The following CELF6 variants were observed in gnomAD, a reference collection of about 807,000 sequenced individuals.
CELF6 encodes Bruno -like 6, RNA binding protein.
A neutral mutation model predicts 53.1 loss-of-function variants in CELF6; 32 were observed. That is an observed-to-expected ratio of 0.60 (90% CI 0.46 to 0.81). CELF6 has a LOEUF of 0.81. Ranked by LOEUF, CELF6 falls within the 30% of genes least tolerant of loss-of-function variation. The pLI is 0.00. For synonymous variants in CELF6, 291 were observed against 288.8 expected (o/e 1.01, Z -0.08); for missense variants, 539 against 669.5 (o/e 0.81, Z 2.15).
Position 72,289,921 on chromosome 15 carries a change from CA to C in CELF6, c.603+17del. Reference sequence around the variant, plus strand: ...CACCCCACTGGCCTCACCCTCAGCCCAGGGAACCCGCCCTCACCGCCATGGT... The same window carrying C: ...CACCCCACTGGCCTCACCCTCAGCCCGGGAACCCGCCCTCACCGCCATGGT... On this transcript the variant is annotated intron_variant, in intron 5 of 12. Transcript: ENST00000287202. The surrounding 1 kb of genome is among the most constrained non-coding windows in gnomAD (Gnocchi z 7.6). 1 of 1,551,350 alleles carries C rather than the reference CA, an allele frequency of 6.4e-7. No homozygotes were observed. The highest frequency in any genetic ancestry group is 8.7e-7 in the Non-Finnish European group (1 of 1,150,654).
intron 3 of CELF6, among the ~76,000 whole-genome samples, chr15:72,298,049 C>A (rs978658079): frequency 1.3e-5 from 2 of 152,134 alleles, no homozygotes; most frequent in Non-Finnish European, 2.9e-5. Context: ...ATCTAAGGAC[C>A]AATAACAGGT....
At chr15:72,310,354 G>A (rs2088279449) in intron 2 of CELF6, among the ~76,000 whole-genome samples, 1 of 152,032 alleles carries the variant, frequency 6.6e-6, no homozygotes, top group South Asian at 2.1e-4. Flanking sequence ...AGTCCCATTG[G>A]TTCTAGAATC....
chr15:72,301,778 C>T (rs1294046114), intron 3 of CELF6, among the ~76,000 whole-genome samples: 1 of 149,130 alleles, frequency 6.7e-6, no homozygotes, highest in Non-Finnish European at 1.5e-5. Flanking sequence ...ACTCTGTCAC[C>T]CAGGCTGGAG....
intron 1 of CELF6, among the ~76,000 whole-genome samples, chr15:72,318,399 C>T (rs2088387332): frequency 6.6e-6 from 1 of 152,112 alleles, no homozygotes; most frequent in Non-Finnish European, 1.5e-5. Flanking sequence ...TACCCAAGGC[C>T]CACCACTCCT....
chr15:72,312,149 G>A (rs2088305156), intron 2 of CELF6, among the ~76,000 whole-genome samples: 2 of 152,170 alleles, frequency 1.3e-5, no homozygotes, highest in African/African-American at 4.8e-5. Flanking sequence ...CATAAAGTGA[G>A]GCTAAAAGAA....
At chr15:72,318,470 A>G (rs1013712459) in intron 1 of CELF6, among the ~76,000 whole-genome samples, 2 of 152,204 alleles carry the variant, frequency 1.3e-5, no homozygotes, top group Non-Finnish European at 2.9e-5. Context: ...TTGAAAGCAC[A>G]GCATGGTGGT....
At chr15:72,297,067 T>C (rs1245914824) in intron 3 of CELF6, among the ~76,000 whole-genome samples, 1 of 152,230 alleles carries the variant, frequency 6.6e-6, no homozygotes, top group Non-Finnish European at 1.5e-5. Context: ...TTGATATATG[T>C]AGACATTGTG....
At position 72,309,200 on chromosome 15, in the gene CELF6, G is replaced by A. The variant is rs530825237; in HGVS notation, c.346-4406C>T. ...AGTGCTGGGATTACAGGTGTGAGCC[G>A]CTATGCCCAGACAGGAAAGGGTTTT... On this transcript the variant is annotated intron_variant, in intron 2 of 12. Transcript: ENST00000287202. Among the ~76,000 whole-genome samples, 128 of 152,208 alleles carry A rather than the reference G, an allele frequency of 8.4e-4. 1 individual carries two copies. Among genetic ancestry groups the A allele is most frequent in the African/African-American group, 2.9e-3 (121 of 41,518 alleles).
Position 72,320,007 on chromosome 15 carries a change from G to T in CELF6, c.-133C>A, listed in dbSNP as rs1397319054. On this transcript the variant is annotated 5_prime_UTR_variant, in exon 1 of 13. Transcript: ENST00000287202. The stretch of plus-strand genomic sequence containing the variant: ...GAGAGGGCGGGGGGCTGCCCAGGGG[G>T]CGGGGTCCGGGTGGAGGGGCGTAGA... 4 of 998,116 alleles carry T rather than the reference G, an allele frequency of 4.0e-6. No homozygotes were observed. The highest frequency in any genetic ancestry group is 3.3e-5 in the South Asian group (2 of 61,462). 61.8% of individuals were successfully genotyped at this position (998,116 alleles called of 1,614,324 possible).
intron 2 of CELF6, chr15:72,313,761 G>T (rs1296880619): frequency 1.7e-5 from 17 of 980,748 alleles, no homozygotes; most frequent in Non-Finnish European, 1.9e-5. Flanking sequence ...GAAGTCATTT[G>T]CTCCCATGAT....
chr15:72,296,769 G>C (rs983640486), intron 3 of CELF6, among the ~76,000 whole-genome samples: 1 of 152,188 alleles, frequency 6.6e-6, no homozygotes, highest in South Asian at 2.1e-4. Context: ...ACACCGATTA[G>C]GATGACTGCT....
In CELF6 at chr15:72,315,816, AT is replaced by A. The variant is rs542640638; in HGVS notation, c.345+28del. On this transcript the variant is annotated intron_variant, in intron 2 of 12. Coordinates refer to ENST00000287202, the MANE Select transcript of CELF6 (RefSeq NM_052840.5). The stretch of plus-strand genomic sequence containing the variant: ...AGGGCACTGTCCCCAGCCTGAGGTG[AT>A]TCCCACCCCCCAACCTGGAGGACTT... 3.4e-4 allele frequency: 517 copies of A among 1,513,212 alleles called. 1 individual carries two copies. In the African/African-American group the frequency reaches 6.2e-3, roughly 18 times the overall value. The allele number at this position is 1,513,212 out of a possible 1,614,324, so 93.7% of individuals were successfully genotyped here.
intron 3 of CELF6, 50 bp downstream of exon 3, chr15:72,304,696 C>A (rs2088203476): frequency 6.4e-7 from 1 of 1,567,442 alleles, no homozygotes; most frequent in Non-Finnish European, 8.8e-7. Context: ...TGTGGGCCCA[C>A]CCTCCCTTAC....
rs540033985 is a variant in CELF6 at position 72,285,956 on chromosome 15, T to A, written c.*415A>T. 1 of 152,718 alleles carries A rather than the reference T, an allele frequency of 6.5e-6. No individual in the cohort carries two copies. The highest frequency in any genetic ancestry group is 1.9e-4 in the East Asian group (1 of 5,190). 9.5% of individuals were successfully genotyped at this position (152,718 alleles called of 1,614,324 possible). A position where few individuals can be genotyped will look rare whatever the true frequency, so the allele number is the denominator to read the frequency against. On this transcript the variant is annotated 3_prime_UTR_variant, in exon 13 of 13. Coordinates refer to ENST00000287202, the MANE Select transcript of CELF6 (RefSeq NM_052840.5). Reference sequence around the variant, plus strand: ...TTTTTTGTAGTTGTTTGTCTTGTTTTTTGTTTGTTTGTTTCTTTGTTTTAA... The same window carrying A: ...TTTTTTGTAGTTGTTTGTCTTGTTTATTGTTTGTTTGTTTCTTTGTTTTAA...
intron 2 of CELF6, among the ~76,000 whole-genome samples, chr15:72,310,412 T>C (rs2088280271): frequency 6.6e-6 from 1 of 152,168 alleles, no homozygotes; most frequent in Non-Finnish European, 1.5e-5. Context: ...TTATCTCCTT[T>C]CCTGGCCTAT....
In CELF6 at chr15:72,289,866, G is replaced by A. The variant is rs2087981526; in HGVS notation, c.603+73C>T. 4.6e-6 allele frequency: 7 copies of A among 1,514,702 alleles called. No homozygotes were observed. The South Asian group carries it at 4.9e-5, about 11-fold the overall frequency. 93.8% of individuals were successfully genotyped at this position (1,514,702 alleles called of 1,614,324 possible). A position where few individuals can be genotyped will look rare whatever the true frequency, so the allele number is the denominator to read the frequency against. ...CCATCAGGTCCTTTCGCGGGGCACC[G>A]AGCACACTCGGGGAGGAGAAGCCCG... is the stretch of plus-strand genomic sequence containing the variant. On this transcript the variant is annotated intron_variant, in intron 5 of 12. Coordinates refer to ENST00000287202, the MANE Select transcript of CELF6 (RefSeq NM_052840.5). The surrounding 1 kb of genome is among the most constrained non-coding windows in gnomAD (Gnocchi z 7.6).
In CELF6 at chr15:72,288,838, T is replaced by A; in HGVS notation, c.1093+30A>T. On this transcript the variant is annotated intron_variant, in intron 9 of 12. Coordinates refer to ENST00000287202, the MANE Select transcript of CELF6 (RefSeq NM_052840.5). The surrounding 1 kb of genome is among the most constrained non-coding windows in gnomAD (Gnocchi z 4.6). ...TATTTCTTTCTAGGGCCCTTCAACC[T>A]CCCCCAGGCCGCGTAGCGCCAAGTG... 1.9e-6 allele frequency: 3 copies of A among 1,544,198 alleles called. No homozygotes were observed. Among genetic ancestry groups the A allele is most frequent in the Non-Finnish European group, 2.6e-6 (3 of 1,141,112 alleles).
intron 3 of CELF6, among the ~76,000 whole-genome samples, chr15:72,300,381 A>C (rs2088137116): frequency 6.6e-6 from 1 of 151,846 alleles, no homozygotes; most frequent in African/African-American, 2.4e-5. Flanking sequence ...AAAAAAAGTA[A>C]ATAAACAGAC....
rs2088398392 is a variant in CELF6, at chr15:72,319,313, T to C, written c.262+300A>G. On this transcript the variant is annotated intron_variant, in intron 1 of 12. Coordinates refer to ENST00000287202, the MANE Select transcript of CELF6 (RefSeq NM_052840.5). The surrounding 1 kb of genome is among the most constrained non-coding windows in gnomAD (Gnocchi z 5.0). ...AGTTTTCAAATTCCAGAATTTTAGG[T>C]CTGATGGGAGAGGTGGTGGAAAGGT... Among the ~76,000 whole-genome samples, 1 of 151,856 alleles carries C rather than the reference T, an allele frequency of 6.6e-6. No individual in the cohort carries two copies. The highest frequency in any genetic ancestry group is 2.4e-5 in the African/African-American group (1 of 41,322).
Sources: gnomAD v4.1 joint callset for allele counts (sites outside exome capture counted in the v4.1 genomes callset) on GRCh38, gnomAD v4.1.1 for gene constraint, Gnocchi (gnomAD v3.1) non-coding constraint, MANE v1.5 for transcripts, NCBI Gene and HGNC (gene_info 2026-07-23, HGNC 2026-07-21) for gene names.